Variants in ZNF81 observed in about 807,000 individuals in gnomAD.
The protein encoded by ZNF81 is zinc finger protein 81, also known as zinc finger protein 81 (HFZ20).
In ZNF81, 5 loss-of-function variants were observed where a neutral mutation model predicts 32.3. The observed-to-expected ratio is 0.15, with a 90% CI of 0.08 to 0.33. The LOEUF is 0.33. Among genes scored for constraint, ZNF81 ranks in the 10% least tolerant of loss-of-function variants. The probability of loss-of-function intolerance (pLI) is 1.00; values close to 1 mark genes in which losing one functional copy is unlikely to be tolerated. For missense variants in ZNF81, 379 were observed against 479.8 expected (o/e 0.79, Z 1.96); for synonymous variants, 163 against 166.8 (o/e 0.98, Z 0.17).
intron 2 of ZNF81, among the ~76,000 whole-genome samples, chrX:47,861,453 A>G (rs2058540160): frequency 8.9e-6 from 1 of 112,062 alleles, no homozygotes; most frequent in Admixed American, 9.5e-5. Flanking sequence ...CCTTGTTTCT[A>G]CACTGTCTTT....
intron 1 of ZNF81, among the ~76,000 whole-genome samples, chrX:47,842,132 G>T (rs187778766): frequency 9.0e-6 from 1 of 111,607 alleles, no homozygotes; most frequent in Admixed American, 9.5e-5. Flanking sequence ...TCTTTCTGTT[G>T]TTGATTGATA....
chrX:47,874,574 A>G (rs1032911374), intron 2 of ZNF81, among the ~76,000 whole-genome samples: 1 of 112,233 alleles, frequency 8.9e-6, no homozygotes, highest in African/African-American at 3.2e-5. Flanking sequence ...ATAGATTCTT[A>G]CCATTTCAGG....
rs1275412832 is a variant in ZNF81 at position 47,917,108 on chromosome X, G to A, written c.*476G>A. 1 of 284,765 alleles carries A rather than the reference G, an allele frequency of 3.5e-6. No homozygotes were observed. 23.5% of individuals were successfully genotyped at this position (284,765 alleles called of 1,213,427 possible). On this transcript the variant is annotated 3_prime_UTR_variant, in exon 5 of 5. Transcript: ENST00000338637. ...TAGGGTGTTTGTGGCAGAACACAGT[G>A]CAGAACAGGAGGAATATTACATTTT...
At chrX:47,907,844 A>G (rs868924648) in intron 4 of ZNF81, among the ~76,000 whole-genome samples, 4 of 95,439 alleles carry the variant, frequency 4.2e-5, no homozygotes, top group Non-Finnish European at 7.5e-5. Flanking sequence ...ATGTCACAAG[A>G]AAAAAAGGTC....
chrX:47,843,934 G>T (rs1458490809), intron 1 of ZNF81, among the ~76,000 whole-genome samples: 2 of 111,207 alleles, frequency 1.8e-5, no homozygotes, highest in Non-Finnish European at 3.8e-5. Context: ...GCTTAATTTT[G>T]TTTTTTCTAA....
chrX:47,905,041 C>T (rs1401595598), intron 4 of ZNF81, among the ~76,000 whole-genome samples: 10 of 108,360 alleles, frequency 9.2e-5, no homozygotes, highest in Non-Finnish European at 1.5e-4. Flanking sequence ...GGAAGGGGAA[C>T]ATCACACACC....
chrX:47,855,390 C>T (rs913287129), intron 2 of ZNF81, among the ~76,000 whole-genome samples: 2 of 110,806 alleles, frequency 1.8e-5, no homozygotes, highest in East Asian at 5.6e-4. Context: ...AACACAATAT[C>T]TCTGAAGTGC....
At chrX:47,898,572 A>T (rs923704401) in intron 4 of ZNF81, among the ~76,000 whole-genome samples, 1 of 111,913 alleles carries the variant, frequency 8.9e-6, no homozygotes, top group African/African-American at 3.2e-5. Flanking sequence ...GCATTTTCAT[A>T]TACATTTTAT....
In ZNF81 at chrX:47,925,165, G is replaced by A. The variant is rs2058787086; in HGVS notation, c.*8533G>A. ...TTACAGTTTTAATGAGGTAGAATTAGCATACAGAAAGTGGAACTTGTTTAA... is the reference window on the plus strand; with the variant it reads ...TTACAGTTTTAATGAGGTAGAATTAACATACAGAAAGTGGAACTTGTTTAA... On this transcript the variant is annotated 3_prime_UTR_variant, in exon 5 of 5. Transcript: ENST00000338637. Among the ~76,000 whole-genome samples, 1 of 111,647 alleles carries A rather than the reference G, an allele frequency of 9.0e-6. No individual in the cohort carries two copies. Among genetic ancestry groups the A allele is most frequent in the South Asian group, 3.7e-4 (1 of 2,718 alleles).
intron 4 of ZNF81, among the ~76,000 whole-genome samples, chrX:47,913,346 C>T (rs1460004068): frequency 9.0e-6 from 1 of 110,805 alleles, no homozygotes; most frequent in Non-Finnish European, 1.9e-5. Flanking sequence ...GACCCCTTGT[C>T]TAAAAACAAA....
intron 4 of ZNF81, among the ~76,000 whole-genome samples, chrX:47,902,139 C>T (rs964801671): frequency 2.7e-5 from 3 of 110,931 alleles, no homozygotes; most frequent in African/African-American, 9.8e-5. Flanking sequence ...GTCAATATTT[C>T]GACATAAGTT....
In ZNF81 at chrX:47,925,418, T is replaced by C. The variant is rs2146436652; in HGVS notation, c.*8786T>C. Among the ~76,000 whole-genome samples the C allele has an allele frequency of 8.9e-6, 1 of 112,155 alleles. No homozygotes were observed. The highest frequency in any genetic ancestry group is 3.7e-4 in the South Asian group (1 of 2,701). ...TATACACATGGAATAATACTATAGG[T>C]ACTCTTGTTTGGCTCCTTCCATCCA... On this transcript the variant is annotated 3_prime_UTR_variant, in exon 5 of 5. Coordinates refer to ENST00000338637, the MANE Select transcript of ZNF81 (RefSeq NM_007137.5).
intron 2 of ZNF81, among the ~76,000 whole-genome samples, chrX:47,867,184 C>G (rs971166268): frequency 1.8e-5 from 2 of 111,406 alleles, no homozygotes; most frequent in Non-Finnish European, 3.8e-5. Context: ...TTGATAGGTG[C>G]AGCAAACCAT....
At position 47,842,653 on chromosome X, in the gene ZNF81, C is replaced by T. The variant is rs145778741; in HGVS notation, c.-163-3452C>T. 1,069 of 111,539 alleles carry T rather than the reference C, an allele frequency of 9.6e-3. 16 individuals carry two copies. The highest frequency in any genetic ancestry group is 0.033 in the African/African-American group (1,020 of 30,570). The allele number at this position is 111,539 out of a possible 1,213,427, so 9.2% of individuals were successfully genotyped here. A position where few individuals can be genotyped will look rare whatever the true frequency, so the allele number is the denominator to read the frequency against. ...TTTTGTTTTGTTTTTTTGATAGAGT[C>T]TCACTCTGTCACCCAGGCTGGAGTG... On this transcript the variant is annotated intron_variant, in intron 1 of 4. Transcript: ENST00000338637.
intron 2 of ZNF81, among the ~76,000 whole-genome samples, chrX:47,868,161 A>G (rs1192110413): frequency 1.8e-5 from 2 of 111,382 alleles, no homozygotes; most frequent in Non-Finnish European, 3.8e-5. Context: ...CAATAGTAAC[A>G]CCAGGCATGT....
intron 4 of ZNF81, among the ~76,000 whole-genome samples, chrX:47,905,092 T>C (rs1556888916): frequency 1.8e-5 from 2 of 109,859 alleles, no homozygotes; most frequent in East Asian, 5.7e-4. Flanking sequence ...AGGGATAGCA[T>C]TAGCCGATAT....
rs990097238 is a variant in ZNF81 at position 47,920,258 on chromosome X, T to G, written c.*3626T>G. The G allele has an allele frequency of 4.5e-5, 5 of 112,240 alleles. No individual in the cohort carries two copies. Among genetic ancestry groups the G allele is most frequent in the Middle Eastern group, 4.6e-3 (1 of 218 alleles). The allele number at this position is 112,240 out of a possible 1,213,427, so 9.2% of individuals were successfully genotyped here. ...ACTTGCCTTTAGGCCTGTAGGCCTT[T>G]CCTGTGTGCCTGCATCTCAGGGAGG... On this transcript the variant is annotated 3_prime_UTR_variant, in exon 5 of 5. Transcript: ENST00000338637.
chrX:47,874,057 C>T (rs182338834), intron 2 of ZNF81, among the ~76,000 whole-genome samples: 6 of 111,822 alleles, frequency 5.4e-5, no homozygotes, highest in African/African-American at 9.7e-5. Context: ...AGTAATAATC[C>T]GTCCTTGGCT....
At chrX:47,859,061 C>T (rs1324865147) in intron 2 of ZNF81, among the ~76,000 whole-genome samples, 2 of 105,842 alleles carry the variant, frequency 1.9e-5, no homozygotes, top group Non-Finnish European at 3.9e-5. Context: ...TATTGCACTC[C>T]AGCCTGGGCA....
Sources: allele counts gnomAD v4.1 joint callset (sites outside exome capture counted in the v4.1 genomes callset), GRCh38; gene constraint gnomAD v4.1.1; transcripts MANE v1.5; gene names NCBI Gene and HGNC (gene_info 2026-07-23, HGNC 2026-07-21).